SPSB1: variants seen among roughly 807,000 people sequenced by gnomAD.
SPSB1 encodes splA/ryanodine receptor domain and SOCS box containing 1.
A neutral mutation model predicts 21.2 loss-of-function variants in SPSB1; 8 were observed. That is an observed-to-expected ratio of 0.38 (90% confidence interval 0.22 to 0.68). The LOEUF (loss-of-function observed/expected upper bound fraction) is 0.68, where lower values mean the gene tolerates loss of function less well. Among genes scored for constraint, SPSB1 ranks in the 30% least tolerant of loss-of-function variants. The pLI is 0.53. For missense variants in SPSB1, 242 were observed against 377.8 expected (o/e 0.64, Z 2.98); for synonymous variants, 169 against 161.7 (o/e 1.05, Z -0.34).
intron 1 of SPSB1, among the ~76,000 whole-genome samples, chr1:9,296,125 C>T (rs573408097): frequency 3.9e-5 from 6 of 152,258 alleles, no homozygotes; most frequent in African/African-American, 7.2e-5. Context: ...GCTTTATGGA[C>T]GTGACTTTGT....
At position 9,367,863 on chromosome 1, in the gene SPSB1, C is replaced by G. The variant is rs1340145066; in HGVS notation, c.*288C>G. ...CAGAGAATAAACTCCTACGAAAGCCCTACATTGAGCTCCAATCTGCTCGGG... is the reference window on the plus strand; with the variant it reads ...CAGAGAATAAACTCCTACGAAAGCCGTACATTGAGCTCCAATCTGCTCGGG... On this transcript the variant is annotated 3_prime_UTR_variant, in exon 3 of 3. Transcript: ENST00000328089. The surrounding 1 kb of genome is among the most constrained non-coding windows in gnomAD (Gnocchi z 5.9). The G allele has an allele frequency of 2.4e-6, 1 of 417,902 alleles. No homozygotes were observed. The highest frequency in any genetic ancestry group is 4.3e-6 in the Non-Finnish European group (1 of 230,692). 25.9% of individuals were successfully genotyped at this position (417,902 alleles called of 1,614,324 possible).
intron 1 of SPSB1, among the ~76,000 whole-genome samples, chr1:9,295,211 AGTGTGAGTGTGT>A (rs796678906): frequency 4.6e-4 from 38 of 83,326 alleles, no homozygotes; most frequent in East Asian, 1.5e-3. Context: ...TGTGTGTGAG[AGTGTGAGTGTGT>A]GTGTGTGTGT....
intron 1 of SPSB1, among the ~76,000 whole-genome samples, chr1:9,330,508 T>C (rs918035850): frequency 6.7e-6 from 1 of 149,786 alleles, no homozygotes; most frequent in Admixed American, 6.7e-5. Flanking sequence ...GATTTGCCAG[T>C]CTCCTTACTC....
chr1:9,307,076 T>TGA (rs1639427578), intron 1 of SPSB1, among the ~76,000 whole-genome samples: 1 of 151,854 alleles, frequency 6.6e-6, no homozygotes, highest in African/African-American at 2.4e-5. Flanking sequence ...TACAGGCACG[T>TGA]GCCACCACGC....
At chr1:9,330,834 C>T (rs1639905103) in intron 1 of SPSB1, among the ~76,000 whole-genome samples, 1 of 152,054 alleles carries the variant, frequency 6.6e-6, no homozygotes, top group South Asian at 2.1e-4. Context: ...TGAGGAACCA[C>T]CCTACTGTGT....
intron 2 of SPSB1, among the ~76,000 whole-genome samples, chr1:9,365,145 C>T (rs1292990764): frequency 6.6e-6 from 1 of 152,220 alleles, no homozygotes; most frequent in Non-Finnish European, 1.5e-5. Context: ...GCGTGAGCCA[C>T]CACACCTGGC....
rs116388432 is a variant in SPSB1 at position 9,302,083 on chromosome 1, T to C, written c.-150+9012T>C. Among the ~76,000 whole-genome samples the C allele has an allele frequency of 1.6e-3, 243 of 152,314 alleles. 1 individual carries two copies. Among genetic ancestry groups the C allele is most frequent in the African/African-American group, 5.7e-3 (235 of 41,568 alleles). On this transcript the variant is annotated intron_variant, in intron 1 of 2. Transcript: ENST00000328089. Reference sequence around the variant, plus strand: ...TGGCACTGGGATCATGTGCAGGGAATTGGCCGGTGAGCACGAGCCCACTGG... The same window carrying C: ...TGGCACTGGGATCATGTGCAGGGAACTGGCCGGTGAGCACGAGCCCACTGG...
At position 9,333,326 on chromosome 1, in the gene SPSB1, T is replaced by C. The variant is rs962131918; in HGVS notation, c.-149-22417T>C. Among the ~76,000 whole-genome samples the C allele has an allele frequency of 1.4e-4, 16 of 115,856 alleles. 1 individual carries two copies. The highest frequency in any genetic ancestry group is 2.7e-4 in the South Asian group (1 of 3,702). 76.0% of individuals were successfully genotyped at this position (115,856 alleles called of 152,430 possible). On this transcript the variant is annotated intron_variant, in intron 1 of 2. Coordinates refer to ENST00000328089, the MANE Select transcript of SPSB1 (RefSeq NM_025106.4). ...CTGTCAGTTCTGTCTTCTTGTCAGC[T>C]TCTTTTTTTTTTTTTTTTTTTTAAG...
intron 1 of SPSB1, among the ~76,000 whole-genome samples, chr1:9,309,301 A>AGAGAGTGT (rs1245605413): frequency 3.0e-5 from 4 of 133,134 alleles, no homozygotes; most frequent in Non-Finnish European, 4.8e-5. Context: ...AGAGAGAGAG[A>AGAGAGTGT]GTGTGTGTGT....
chr1:9,300,672 C>A (rs924309727), intron 1 of SPSB1, among the ~76,000 whole-genome samples: 3 of 152,224 alleles, frequency 2.0e-5, no homozygotes, highest in African/African-American at 7.2e-5. Flanking sequence ...TATCTATGAT[C>A]TGACCGACCA....
At chr1:9,309,093 C>T (rs1639470399) in intron 1 of SPSB1, among the ~76,000 whole-genome samples, 1 of 151,666 alleles carries the variant, frequency 6.6e-6, no homozygotes, top group Non-Finnish European at 1.5e-5. Context: ...TGAGGAGGAC[C>T]GGGAGAAGGC....
At position 9,321,693 on chromosome 1, in the gene SPSB1, T is replaced by G. The variant is rs1281285001; in HGVS notation, c.-150+28622T>G. ...AATGCTGCTGATTGTCACTGTAATG[T>G]GCCCTTGACTCCAGGACCAGCCTGA... On this transcript the variant is annotated intron_variant, in intron 1 of 2. Coordinates refer to ENST00000328089, the MANE Select transcript of SPSB1 (RefSeq NM_025106.4). This position sits in a 1 kb window ranked among gnomAD's most constrained non-coding sequence, Gnocchi z 4.8. Among the ~76,000 whole-genome samples the G allele has an allele frequency of 6.6e-6, 1 of 151,608 alleles. No individual in the cohort carries two copies. The highest frequency in any genetic ancestry group is 3.2e-3 in the Middle Eastern group (1 of 314).
intron 1 of SPSB1, among the ~76,000 whole-genome samples, chr1:9,312,452 C>T (rs895936271): frequency 1.3e-5 from 2 of 152,262 alleles, no homozygotes; most frequent in Non-Finnish European, 2.9e-5. Context: ...CCACGCAGTT[C>T]GCCTATTGTA....
intron 1 of SPSB1, among the ~76,000 whole-genome samples, chr1:9,338,296 C>A (rs1236021201): frequency 6.6e-6 from 1 of 152,170 alleles, no homozygotes; most frequent in African/African-American, 2.4e-5. Context: ...GTGGGGTGCC[C>A]CTGCCCAGGG....
rs1464865596 is a variant in SPSB1, at chr1:9,317,271, G to C, written c.-150+24200G>C. Among the ~76,000 whole-genome samples the C allele has an allele frequency of 1.3e-5, 2 of 152,140 alleles. No individual in the cohort carries two copies. Among genetic ancestry groups the C allele is most frequent in the East Asian group, 3.9e-4 (2 of 5,194 alleles). ...ATGTGTAAGCACTGGAGAGGGAGGA[G>C]GAAGGGAAGAAGGGAATAAATGTCA... On this transcript the variant is annotated intron_variant, in intron 1 of 2. Transcript: ENST00000328089. The surrounding 1 kb of genome is among the most constrained non-coding windows in gnomAD (Gnocchi z 4.3).
intron 1 of SPSB1, among the ~76,000 whole-genome samples, chr1:9,350,541 T>C (rs1450231266): frequency 3.3e-5 from 5 of 152,220 alleles, no homozygotes; most frequent in African/African-American, 1.2e-4. Flanking sequence ...AGCTGCTGCC[T>C]TTGCTCTCAC....
intron 1 of SPSB1, among the ~76,000 whole-genome samples, chr1:9,336,489 G>A (rs1307419734): frequency 1.3e-5 from 2 of 152,158 alleles, no homozygotes; most frequent in Admixed American, 6.5e-5. Context: ...GCCTCCCAAA[G>A]TGCTGGGATT....
intron 1 of SPSB1, among the ~76,000 whole-genome samples, chr1:9,320,693 G>C (rs1639707181): frequency 6.6e-6 from 1 of 152,210 alleles, no homozygotes; most frequent in Non-Finnish European, 1.5e-5. Flanking sequence ...TGGTGACTTA[G>C]GGTCGTGACT....
chr1:9,295,899 C>T (rs939104266), intron 1 of SPSB1, among the ~76,000 whole-genome samples: 8 of 152,142 alleles, frequency 5.3e-5, no homozygotes, highest in Non-Finnish European at 8.8e-5. Context: ...TTTTATCAGA[C>T]GACAGCACAA....
Sources: gnomAD v4.1 joint callset for allele counts (sites outside exome capture counted in the v4.1 genomes callset) on GRCh38, gnomAD v4.1.1 for gene constraint, Gnocchi (gnomAD v3.1) non-coding constraint, MANE v1.5 for transcripts, NCBI Gene and HGNC (gene_info 2026-07-23, HGNC 2026-07-21) for gene names.